The following ATF7 variants were observed in gnomAD, a reference collection of about 807,000 sequenced individuals.
ATF7 encodes the protein activating transcription factor 7, also known as cyclic AMP-dependent transcription factor ATF-7.
ATF7 carries 10 observed loss-of-function variants against 50.4 expected under a neutral mutation model. The observed-to-expected ratio is 0.20, with a 90% CI of 0.12 to 0.34. The LOEUF (loss-of-function observed/expected upper bound fraction) is 0.34. ATF7 is among the 10% of genes least tolerant of loss of function. The probability of loss-of-function intolerance (pLI) is 1.00; values close to 1 mark genes in which losing one functional copy is unlikely to be tolerated. For missense variants in ATF7, 465 were observed against 613.9 expected (o/e 0.76, Z 2.56); for synonymous variants, 201 against 226.4 (o/e 0.89, Z 1.01).
At chr12:53,587,814 C>CT (rs1942761275) in intron 2 of ATF7, among the ~76,000 whole-genome samples, 1 of 78,180 alleles carries the variant, frequency 1.3e-5, no homozygotes, top group Non-Finnish European at 3.0e-5. Context: ...TCTATGTATA[C>CT]TTCTACATAT....
At chr12:53,615,527 C>T (rs1269163134) in intron 1 of ATF7, among the ~76,000 whole-genome samples, 1 of 152,174 alleles carries the variant, frequency 6.6e-6, no homozygotes, top group Non-Finnish European at 1.5e-5. Flanking sequence ...TTGGTACCAA[C>T]ATGATTCATT....
At chr12:53,575,732 A>G (rs1003935719) in intron 2 of ATF7, 3 of 156,506 alleles carry the variant, frequency 1.9e-5, no homozygotes, top group South Asian at 2.1e-4. Context: ...GGCTTTAGAA[A>G]TAAGTCACAC....
chr12:53,542,107 GTTT>G (rs1199418506), intron 4 of ATF7, among the ~76,000 whole-genome samples: 101 of 101,460 alleles, frequency 1.0e-3, no homozygotes, highest in Non-Finnish European at 1.3e-3. Flanking sequence ...CGCCTGGCCT[GTTT>G]TTTTTTTTTT....
chr12:53,529,915 A>AT (rs933114786), intron 9 of ATF7, among the ~76,000 whole-genome samples: 5 of 149,670 alleles, frequency 3.3e-5, no homozygotes, highest in South Asian at 2.1e-4. Flanking sequence ...TAATCTTTGT[A>AT]TTTTTTTTAG....
In ATF7 at chr12:53,602,860, C is replaced by A. The variant is rs111545286; in HGVS notation, c.-21-1839G>T. ...TACAACATGCTACAAAAAATAAATACAAGTAAACAAAAGTAAATAAATGCA... is the reference window on the plus strand; with the variant it reads ...TACAACATGCTACAAAAAATAAATAAAAGTAAACAAAAGTAAATAAATGCA... On this transcript the variant is annotated intron_variant, in intron 1 of 11. Transcript: ENST00000420353. 6.8e-3 allele frequency among the ~76,000 whole-genome samples: 1,039 copies of A among 152,146 alleles called. 12 individuals are homozygous for A. Among genetic ancestry groups the A allele is most frequent in the African/African-American group, 0.024 (999 of 41,512 alleles).
intron 1 of ATF7, among the ~76,000 whole-genome samples, chr12:53,614,301 T>C (rs1023157241): frequency 2.0e-4 from 30 of 152,208 alleles, no homozygotes; most frequent in African/African-American, 6.8e-4. Context: ...TATTTATCTA[T>C]GTTTGGCCTC....
rs914582798 is a variant in ATF7, at chr12:53,514,938, A to G, written c.*2199T>C. 4 of 152,214 alleles carry G rather than the reference A, an allele frequency of 2.6e-5. No homozygotes were observed. The highest frequency in any genetic ancestry group is 1.3e-4 in the Admixed American group (2 of 15,276). 9.4% of individuals were successfully genotyped at this position (152,214 alleles called of 1,614,324 possible). On this transcript the variant is annotated 3_prime_UTR_variant, in exon 12 of 12. Transcript: ENST00000420353. ...ATCAAGACAATAAAAAAATGAAACAAAACTCTAAAGCAGGAGAAAATCCCA... is the reference window on the plus strand; with the variant it reads ...ATCAAGACAATAAAAAAATGAAACAGAACTCTAAAGCAGGAGAAAATCCCA...
At chr12:53,596,246 G>T (rs1373290858) in intron 2 of ATF7, among the ~76,000 whole-genome samples, 1 of 152,194 alleles carries the variant, frequency 6.6e-6, no homozygotes, top group Non-Finnish European at 1.5e-5. Context: ...GTTTCAGTGA[G>T]CCGAGATCGC....
intron 3 of ATF7, 67 bp downstream of exon 3, chr12:53,552,474 T>C: frequency 8.2e-7 from 1 of 1,216,760 alleles, no homozygotes; most frequent in Non-Finnish European, 1.2e-6. Flanking sequence ...CCAGTACATC[T>C]GGTCTCTGGT....
At chr12:53,533,912 C>A (rs1055227178) in intron 6 of ATF7, among the ~76,000 whole-genome samples, 4 of 152,226 alleles carry the variant, frequency 2.6e-5, no homozygotes, top group Non-Finnish European at 5.9e-5. Context: ...GTGGTTTCCA[C>A]ACTGTAATGA....
chr12:53,587,265 G>C (rs1452274790), intron 2 of ATF7, among the ~76,000 whole-genome samples: 1 of 150,692 alleles, frequency 6.6e-6, no homozygotes, highest in Non-Finnish European at 1.5e-5. Flanking sequence ...TACTTGGGAG[G>C]CTGAGGCAGG....
Position 53,532,602 on chromosome 12 carries a change from C to G in ATF7, c.682G>C (p.Val228Leu), listed in dbSNP as rs371280390. Residue 228 changes from valine to leucine, a missense_variant, in exon 8 of 12, where the codon GTG becomes CTG. By Grantham distance (32) the Val-to-Leu change is conservative. Coordinates refer to ENST00000420353, the MANE Select transcript of ATF7 (RefSeq NM_006856.3). ...VISLARPVSM[V>L]PNIPGIPGPP... is the part of the protein sequence containing the mutation. ...CCAGGGATACCAGGAATGTTGGGCA[C>G]CATGGACACAGGTCTGGCCAGCTGG... 1.1e-5 allele frequency: 18 copies of G among 1,606,246 alleles called. No homozygotes were observed. The African/African-American group carries it at 2.0e-4, about 18-fold the overall frequency.
At chr12:53,562,183 G>A (rs1941163459) in intron 2 of ATF7, among the ~76,000 whole-genome samples, 1 of 152,188 alleles carries the variant, frequency 6.6e-6, no homozygotes, top group African/African-American at 2.4e-5. Context: ...CTGCTACAAT[G>A]TAAGCTCCTC....
chr12:53,548,366 G>A (rs1295781662), intron 3 of ATF7, among the ~76,000 whole-genome samples: 3 of 151,982 alleles, frequency 2.0e-5, no homozygotes, highest in East Asian at 1.9e-4. Flanking sequence ...ACAAGGTCTC[G>A]ATTTGTCATC....
At chr12:53,531,349 G>T (rs556634899) in intron 9 of ATF7, among the ~76,000 whole-genome samples, 1 of 151,726 alleles carries the variant, frequency 6.6e-6, no homozygotes, top group Non-Finnish European at 1.5e-5. Context: ...TTGAACCCGG[G>T]GGGCAGAGGT....
chr12:53,611,652 G>A (rs952041567), intron 1 of ATF7, among the ~76,000 whole-genome samples: 2 of 151,936 alleles, frequency 1.3e-5, no homozygotes, highest in East Asian at 1.9e-4. Flanking sequence ...GTGCAGTAAC[G>A]GGATCTTGGC....
At chr12:53,561,301 C>A (rs1443256131) in intron 2 of ATF7, among the ~76,000 whole-genome samples, 1 of 146,736 alleles carries the variant, frequency 6.8e-6, no homozygotes, top group Non-Finnish European at 1.5e-5. Context: ...TGCACTCCAG[C>A]CTGGTCAACA....
chr12:53,564,681 C>A (rs1249490767), intron 2 of ATF7, among the ~76,000 whole-genome samples: 1 of 152,110 alleles, frequency 6.6e-6, no homozygotes, highest in Non-Finnish European at 1.5e-5. Flanking sequence ...TAGAGGGGAA[C>A]AGAAAAAGAA....
At chr12:53,626,131 T>G (rs899051315) in intron 1 of ATF7, 148 bp downstream of exon 1, 3 of 152,732 alleles carry the variant, frequency 2.0e-5, no homozygotes, top group African/African-American at 7.2e-5. Flanking sequence ...CCCCACCCTC[T>G]TCCTCAGACA....
Sources: allele counts gnomAD v4.1 joint callset (sites outside exome capture counted in the v4.1 genomes callset), GRCh38; gene constraint gnomAD v4.1.1; transcripts MANE v1.5; gene names NCBI Gene and HGNC (gene_info 2026-07-23, HGNC 2026-07-21).